The following MAOB variants were observed in gnomAD, a reference collection of about 807,000 sequenced individuals.
MAOB encodes the protein monoamine oxidase B.
Under a neutral mutation model 41.9 loss-of-function variants are expected in MAOB, and 15 were observed. That is an observed-to-expected ratio of 0.36 (90% confidence interval 0.24 to 0.55). The LOEUF is 0.55. Among genes scored for constraint, MAOB ranks in the 20% least tolerant of loss-of-function variants. The pLI is 0.86. For missense variants in MAOB, 345 were observed against 398.7 expected, an observed-to-expected ratio of 0.87 and a Z score of 1.15; for synonymous variants, 167 against 144.2, an observed-to-expected ratio of 1.16 and a Z score of -1.13.
intron 3 of MAOB, among the ~76,000 whole-genome samples, chrX:43,830,022 G>T (rs962394110): frequency 9.0e-6 from 1 of 111,302 alleles, no homozygotes. Context: ...GTTTTATATT[G>T]ATTACAAGTT....
intron 3 of MAOB, among the ~76,000 whole-genome samples, chrX:43,816,564 C>T (rs1420988275): frequency 8.9e-6 from 1 of 111,788 alleles, no homozygotes; most frequent in Non-Finnish European, 1.9e-5. Flanking sequence ...TCATTGACTA[C>T]TTGAGTAGAA....
intron 2 of MAOB, among the ~76,000 whole-genome samples, chrX:43,841,689 T>C (rs2035139092): frequency 1.8e-5 from 2 of 111,985 alleles, no homozygotes; most frequent in South Asian, 7.4e-4. Context: ...CAAAACAGTA[T>C]GGTACTGACA....
intron 1 of MAOB, among the ~76,000 whole-genome samples, chrX:43,870,671 T>C (rs1315542153): frequency 9.3e-6 from 1 of 107,539 alleles, no homozygotes; most frequent in Non-Finnish European, 1.9e-5. Flanking sequence ...GGTGGGCACC[T>C]GTAGTCCCAG....
intron 2 of MAOB, among the ~76,000 whole-genome samples, chrX:43,842,624 C>T (rs1184376113): frequency 3.6e-5 from 4 of 112,352 alleles, no homozygotes; most frequent in African/African-American, 1.3e-4. Flanking sequence ...TCTGCACACC[C>T]ATGTTCATTG....
At chrX:43,806,914 C>G (rs1601990571) in intron 3 of MAOB, among the ~76,000 whole-genome samples, 1 of 111,251 alleles carries the variant, frequency 9.0e-6, no homozygotes, top group Non-Finnish European at 1.9e-5. Context: ...TGTCCCCATC[C>G]TTTTGTCTGT....
intron 1 of MAOB, among the ~76,000 whole-genome samples, chrX:43,865,979 C>T (rs372120449): frequency 9.0e-6 from 1 of 110,556 alleles, no homozygotes; most frequent in East Asian, 2.8e-4. Context: ...CCAGAGGTTG[C>T]AGATTATTCG....
intron 6 of MAOB, 91 bp from the exon 7 acceptor site, chrX:43,795,979 T>C (rs901085709): frequency 3.1e-5 from 29 of 932,035 alleles, no homozygotes; most frequent in Non-Finnish European, 4.2e-5. Context: ...TACTCTGAGA[T>C]GTCTAACATT....
chrX:43,819,023 C>T (rs772336669), intron 3 of MAOB, among the ~76,000 whole-genome samples: 9 of 111,454 alleles, frequency 8.1e-5, no homozygotes, highest in Non-Finnish European at 1.3e-4. Context: ...GGATTCATGA[C>T]TCTATTGATC....
At chrX:43,811,084 C>T (rs756724797) in intron 3 of MAOB, among the ~76,000 whole-genome samples, 15 of 112,007 alleles carry the variant, frequency 1.3e-4, no homozygotes, top group Non-Finnish European at 2.6e-4. Context: ...CCTGTATGTT[C>T]AGTTAAAACA....
rs1484664425 is a variant in MAOB at position 43,856,162 on chromosome X, C to T, written c.47-12398G>A. 6.0e-4 allele frequency among the ~76,000 whole-genome samples: 67 copies of T among 111,768 alleles called. No individual in the cohort carries two copies. In the Admixed American group the frequency reaches 6.2e-3, roughly 10 times the overall value. On this transcript the variant is annotated intron_variant, in intron 1 of 14. Coordinates refer to ENST00000378069, the MANE Select transcript of MAOB (RefSeq NM_000898.5). ...GCAGTGACACCATCTCAGCTCACTG[C>T]AATCTCCGTCTCCTGGGTTCAAGCA...
chrX:43,781,456 G>A lies in MAOB; in HGVS notation c.1017C>T (p.Ala339=), dbSNP rs752675059. The change falls in exon 9 of 15, where the codon GCC becomes GCT. Residue 339 remains alanine (A), a synonymous_variant. Transcript: ENST00000378069. Reference sequence around the variant, plus strand: ...CCATAATTGTGCCTTACCCCATTATGGCAGCATAGTTGCCTTCAGGTTTGG... The same window carrying A: ...CCATAATTGTGCCTTACCCCATTATAGCAGCATAGTTGCCTTCAGGTTTGG... ...DDTKPEGNYA[A]IMGFILAHKA... 2 of 1,179,852 alleles carry A rather than the reference G, an allele frequency of 1.7e-6. No individual in the cohort carries two copies. Among genetic ancestry groups the A allele is most frequent in the South Asian group, 3.8e-5 (2 of 52,674 alleles).
chrX:43,804,216 A>G (rs1354315512), intron 3 of MAOB, among the ~76,000 whole-genome samples: 1 of 111,663 alleles, frequency 9.0e-6, no homozygotes, highest in Admixed American at 9.6e-5. Flanking sequence ...TTCTCAGTCA[A>G]CAGAAACTTC....
In MAOB at chrX:43,830,161, A is replaced by G. The variant is rs182796845; in HGVS notation, c.279+8707T>C. ...AATGTACATATTAAATTTTGATTGG[A>G]CAGTGCTGTTGTAAGCTATTTTAAT... On this transcript the variant is annotated intron_variant, in intron 3 of 14. Coordinates refer to ENST00000378069, the MANE Select transcript of MAOB (RefSeq NM_000898.5). Among the ~76,000 whole-genome samples the G allele has an allele frequency of 7.4e-3, 828 of 112,482 alleles. 3 individuals carry two copies. The highest frequency in any genetic ancestry group is 0.012 in the Non-Finnish European group (659 of 53,289).
chrX:43,826,316 G>A (rs1242087777), intron 3 of MAOB, among the ~76,000 whole-genome samples: 1 of 111,359 alleles, frequency 9.0e-6, no homozygotes, highest in African/African-American at 3.3e-5. Context: ...AAATATTTCC[G>A]TTTTCTCCTA....
At chrX:43,853,477 A>T (rs185658394) in intron 1 of MAOB, among the ~76,000 whole-genome samples, 18 of 110,882 alleles carry the variant, frequency 1.6e-4, no homozygotes, top group Admixed American at 4.8e-4. Flanking sequence ...GAAGATGGCC[A>T]GATGAGTAAA....
In MAOB at chrX:43,873,341, G is replaced by T. The variant is rs192285377; in HGVS notation, c.46+8913C>A. ...AAGAATCATTAAAAATGTTGGAGAGGTTAAGCAAAAGGGACGATTATTTAG... is the reference window on the plus strand; with the variant it reads ...AAGAATCATTAAAAATGTTGGAGAGTTTAAGCAAAAGGGACGATTATTTAG... On this transcript the variant is annotated intron_variant, in intron 1 of 14. Coordinates refer to ENST00000378069, the MANE Select transcript of MAOB (RefSeq NM_000898.5). 3.0e-3 allele frequency among the ~76,000 whole-genome samples: 327 copies of T among 110,645 alleles called. 1 individual carries two copies. Among genetic ancestry groups the T allele is most frequent in the African/African-American group, 9.9e-3 (302 of 30,467 alleles).
chrX:43,832,940 G>A (rs1197639409), intron 3 of MAOB, among the ~76,000 whole-genome samples: 1 of 111,676 alleles, frequency 9.0e-6, no homozygotes, highest in Non-Finnish European at 1.9e-5. Context: ...AAAATCTTAA[G>A]GAAAGGAGGA....
intron 3 of MAOB, among the ~76,000 whole-genome samples, chrX:43,836,484 A>G (rs759503571): frequency 1.1e-4 from 12 of 112,336 alleles, no homozygotes; most frequent in Non-Finnish European, 2.3e-4. Flanking sequence ...TTTTTACAGC[A>G]TCAGTATTTT....
In MAOB at chrX:43,838,723, A is replaced by G; in HGVS notation, c.279+145T>C. The G allele has an allele frequency of 7.3e-6, 4 of 545,424 alleles. No individual in the cohort carries two copies. The South Asian group carries it at 2.4e-4, about 32-fold the overall frequency. The allele number at this position is 545,424 out of a possible 1,213,427, so 44.9% of individuals were successfully genotyped here. ...ATTCACCTTTGATAACAGTGAATGA[A>G]TCTCAGAGTGGCTGAAATACCATTA... On this transcript the variant is annotated intron_variant, in intron 3 of 14. Transcript: ENST00000378069.
Sources: gnomAD v4.1 joint callset for allele counts (sites outside exome capture counted in the v4.1 genomes callset) on GRCh38, gnomAD v4.1.1 for gene constraint, MANE v1.5 for transcripts, NCBI Gene and HGNC (gene_info 2026-07-23, HGNC 2026-07-21) for gene names.